The following DGCR2 variants were observed in gnomAD, a reference collection of about 807,000 sequenced individuals.
DGCR2 encodes DiGeorge syndrome critical region gene 2, also known as integral membrane protein DGCR2/IDD.
In DGCR2, 24 loss-of-function variants were observed where a neutral mutation model predicts 51.6. That is an observed-to-expected ratio of 0.47 (90% CI 0.34 to 0.65). The LOEUF (loss-of-function observed/expected upper bound fraction) is 0.65, where lower values mean the gene tolerates loss of function less well. DGCR2 is among the 30% of genes least tolerant of loss of function. The pLI, the probability that DGCR2 is intolerant of heterozygous loss-of-function variation, is 0.01. For missense variants in DGCR2, 765 were observed against 772.1 expected, an observed-to-expected ratio of 0.99 and a Z score of 0.11; for synonymous variants, 340 against 315.4, an observed-to-expected ratio of 1.08 and a Z score of -0.82.
chr22:19,077,180 A>G (rs561259877), intron 2 of DGCR2, among the ~76,000 whole-genome samples: 112 of 152,278 alleles, frequency 7.4e-4, no homozygotes, highest in Admixed American at 1.6e-3. Flanking sequence ...AATTAATAGA[A>G]GTTTTAAATT....
At chr22:19,048,199 T>G in intron 7 of DGCR2, 2 of 569,708 alleles carry the variant, frequency 3.5e-6, no homozygotes, top group Non-Finnish European at 6.3e-6. Flanking sequence ...TCAAGTTCAT[T>G]TGTGAATGCT....
intron 3 of DGCR2, among the ~76,000 whole-genome samples, chr22:19,066,377 G>A (rs111843645): frequency 0.018 from 2,802 of 152,188 alleles, 98 homozygotes; most frequent in African/African-American, 0.064. Flanking sequence ...CTGCACTCCA[G>A]CCTGGGTGAC....
chr22:19,086,584 G>C (rs1271157512), intron 2 of DGCR2, among the ~76,000 whole-genome samples: 2 of 152,142 alleles, frequency 1.3e-5, no homozygotes, highest in Non-Finnish European at 2.9e-5. Context: ...GGTGAGCCTT[G>C]TCAGGGCAGT....
chr22:19,043,520 T>A (rs896364312), intron 7 of DGCR2, among the ~76,000 whole-genome samples: 2 of 152,140 alleles, frequency 1.3e-5, no homozygotes, highest in African/African-American at 2.4e-5. Context: ...AGTCACAGAA[T>A]AATGGAACCA....
chr22:19,064,881 G>A lies in DGCR2; in HGVS notation c.515C>T (p.Pro172Leu), dbSNP rs970998553. 7 of 1,613,740 alleles carry A rather than the reference G, an allele frequency of 4.3e-6. No homozygotes were observed. In the African/African-American group the frequency reaches 8.0e-5, roughly 18 times the overall value. Reference sequence around the variant, plus strand: ...GTCCTTCCAACCAAAGCTCCGCTCGGGCTGGTCCCATTCCTGGGCCAGGAC... The same window carrying A: ...GTCCTTCCAACCAAAGCTCCGCTCGAGCTGGTCCCATTCCTGGGCCAGGAC... Reference protein sequence around the residue: ...RFVLAQEWDQPERSFGWKDQR... With the variant: ...RFVLAQEWDQLERSFGWKDQR... Residue 172 changes from proline to leucine, a missense_variant, in exon 4 of 10, where the codon CCC becomes CTC. Physicochemically the swap from Pro to Leu is moderately conservative, Grantham distance 98. Coordinates refer to ENST00000263196, the MANE Select transcript of DGCR2 (RefSeq NM_005137.3).
chr22:19,039,157 A>G lies in DGCR2; in HGVS notation c.1397-36T>C, dbSNP rs753874055. On this transcript the variant is annotated intron_variant, in intron 9 of 9. Transcript: ENST00000263196. ...AGACAGAGGGGTGTCAGAGGCAGGT[A>G]CGGGCCTGGCACAGGGGATGCAGGG... The G allele has an allele frequency of 3.1e-6, 5 of 1,609,866 alleles. 1 individual carries two copies. Among genetic ancestry groups the G allele is most frequent in the South Asian group, 2.2e-5 (2 of 90,716 alleles).
At chr22:19,116,334 G>C (rs970629186) in intron 1 of DGCR2, among the ~76,000 whole-genome samples, 1 of 152,208 alleles carries the variant, frequency 6.6e-6, no homozygotes, top group African/African-American at 2.4e-5. Flanking sequence ...TGCCAAGCCC[G>C]CCATGTCCAC....
chr22:19,113,074 C>T (rs115133094), intron 1 of DGCR2, among the ~76,000 whole-genome samples: 1,490 of 103,940 alleles, frequency 0.014, 190 homozygotes, highest in African/African-American at 0.047. Context: ...TGGATTAGAA[C>T]TAAAGAAACA....
chr22:19,046,225 T>C (rs929881181), intron 7 of DGCR2: 3 of 124,414 alleles, frequency 2.4e-5, no homozygotes, highest in Admixed American at 7.8e-5. Flanking sequence ...GCAAACAGAA[T>C]GTGCACATAT....
At chr22:19,089,342 G>C (rs767797030) in intron 2 of DGCR2, 26 bp downstream of exon 2, 27 of 1,566,696 alleles carry the variant, frequency 1.7e-5, no homozygotes, top group Non-Finnish European at 2.3e-5. Context: ...AAGGTGGTGT[G>C]TACCCCGCCT....
At position 19,038,604 on chromosome 22, in the gene DGCR2, C is replaced by T. The variant is rs1601492666; in HGVS notation, c.*261G>A. The T allele has an allele frequency of 9.2e-6, 5 of 541,894 alleles. No individual in the cohort carries two copies. In the South Asian group the frequency reaches 1.2e-4, roughly 13 times the overall value. The allele number at this position is 541,894 out of a possible 1,614,324, so 33.6% of individuals were successfully genotyped here. ...TGTGCGGTCTGAATGAATTTTGTCA[C>T]TCTTCTGCCATTTATAAAGGAGAAG... On this transcript the variant is annotated 3_prime_UTR_variant, in exon 10 of 10. Coordinates refer to ENST00000263196, the MANE Select transcript of DGCR2 (RefSeq NM_005137.3).
intron 9 of DGCR2, among the ~76,000 whole-genome samples, chr22:19,039,980 T>G (rs896911617): frequency 2.0e-5 from 3 of 152,166 alleles, no homozygotes; most frequent in African/African-American, 7.2e-5. Flanking sequence ...CCCAGAGTGC[T>G]GGATTACAGG....
intron 2 of DGCR2, among the ~76,000 whole-genome samples, chr22:19,076,951 C>T (rs906928539): frequency 6.6e-6 from 1 of 151,528 alleles, no homozygotes; most frequent in Non-Finnish European, 1.5e-5. Flanking sequence ...AGGATGGTCT[C>T]GATCTCCTGA....
chr22:19,092,819 G>T (rs933008152), intron 1 of DGCR2, among the ~76,000 whole-genome samples: 4 of 152,104 alleles, frequency 2.6e-5, no homozygotes, highest in Non-Finnish European at 4.4e-5. Context: ...AAAGACCTAG[G>T]TGCAAAGGCA....
rs995157953 is a variant in DGCR2, at chr22:19,038,798, C to T, written c.*67G>A. On this transcript the variant is annotated 3_prime_UTR_variant, in exon 10 of 10. Coordinates refer to ENST00000263196, the MANE Select transcript of DGCR2 (RefSeq NM_005137.3). ...GCTGGGACAGGGGCCTTTCAAGTCTCCCCAGGGACCGGTGTTTTCTACAAC... is the reference window on the plus strand; with the variant it reads ...GCTGGGACAGGGGCCTTTCAAGTCTTCCCAGGGACCGGTGTTTTCTACAAC... The T allele has an allele frequency of 3.4e-5, 53 of 1,570,428 alleles. No individual in the cohort carries two copies. In the African/African-American group the frequency reaches 6.2e-4, roughly 18 times the overall value.
intron 1 of DGCR2, among the ~76,000 whole-genome samples, chr22:19,114,152 G>GAAAA (rs74403708): frequency 1.7e-5 from 2 of 114,904 alleles, no homozygotes; most frequent in East Asian, 2.5e-4. Flanking sequence ...GTTACCAAAG[G>GAAAA]AAAAAAAAAA....
intron 2 of DGCR2, among the ~76,000 whole-genome samples, chr22:19,071,885 T>C (rs2082819820): frequency 6.6e-6 from 1 of 152,070 alleles, no homozygotes; most frequent in Admixed American, 6.6e-5. Context: ...CTCAAAGGGT[T>C]CAGAAGAAAA....
intron 2 of DGCR2, among the ~76,000 whole-genome samples, chr22:19,074,469 T>C (rs1157685541): frequency 6.9e-6 from 1 of 144,404 alleles, no homozygotes; most frequent in Non-Finnish European, 1.5e-5. Flanking sequence ...GGAAACGGAG[T>C]GCTCCTGCAT....
chr22:19,099,084 C>G (rs1237757063), intron 1 of DGCR2, among the ~76,000 whole-genome samples: 1 of 152,202 alleles, frequency 6.6e-6, no homozygotes, highest in Non-Finnish European at 1.5e-5. Context: ...CAAGCCGGGT[C>G]TATTCTGGAA....
Sources: gnomAD v4.1 joint callset for allele counts (sites outside exome capture counted in the v4.1 genomes callset) on GRCh38, gnomAD v4.1.1 for gene constraint, MANE v1.5 for transcripts, NCBI Gene and HGNC (gene_info 2026-07-23, HGNC 2026-07-21) for gene names.